The following DNAJC24 variants were observed in gnomAD, a reference collection of about 807,000 sequenced individuals.
DNAJC24 encodes the protein dnaJ homolog subfamily C member 24.
In DNAJC24, 17 loss-of-function variants were observed where a neutral mutation model predicts 18.0. The observed-to-expected ratio is 0.94, with a 90% CI of 0.65 to 1.42. The LOEUF is 1.42. DNAJC24 is among the 40% of genes most tolerant of loss of function. DNAJC24 has a pLI of 0.00. For missense variants in DNAJC24, 158 were observed against 175.6 expected (o/e 0.90, Z 0.57); for synonymous variants, 55 against 57.7 (o/e 0.95, Z 0.21).
In DNAJC24 at chr11:31,431,821, A is replaced by T. The variant is rs1486499654; in HGVS notation, c.*1420A>T. The T allele has an allele frequency of 6.6e-6, 1 of 151,204 alleles. No homozygotes were observed. The highest frequency in any genetic ancestry group is 1.5e-5 in the Non-Finnish European group (1 of 67,758). The allele number at this position is 151,204 out of a possible 1,614,324, so 9.4% of individuals were successfully genotyped here. ...AGAGCAAGACTCTGTCTCAAAAAAA[A>T]TAAAATAAAATAAATAAAAAAAGAT... On this transcript the variant is annotated 3_prime_UTR_variant, in exon 5 of 5. Coordinates refer to ENST00000465995, the MANE Select transcript of DNAJC24 (RefSeq NM_181706.5).
intron 2 of DNAJC24, among the ~76,000 whole-genome samples, chr11:31,414,044 G>C (rs1235237412): frequency 6.6e-6 from 1 of 152,144 alleles, no homozygotes; most frequent in East Asian, 1.9e-4. Context: ...TGAGCTACAT[G>C]TATATCAGCA....
chr11:31,424,938 G>A (rs1278483379), intron 3 of DNAJC24, among the ~76,000 whole-genome samples: 1 of 151,938 alleles, frequency 6.6e-6, no homozygotes, highest in Non-Finnish European at 1.5e-5. Context: ...TTTTATTGGG[G>A]TGGGGAGTGG....
intron 4 of DNAJC24, chr11:31,426,834 C>T (rs1952867295): frequency 7.0e-6 from 1 of 143,426 alleles, no homozygotes; most frequent in African/African-American, 2.6e-5. Context: ...TTTTAACGCT[C>T]ACATACTGAT....
At chr11:31,395,060 T>G (rs7107096) in intron 2 of DNAJC24, among the ~76,000 whole-genome samples, 2,808 of 152,248 alleles carry the variant, frequency 0.018, 86 homozygotes, top group African/African-American at 0.064. Context: ...GGAACTGGTG[T>G]CTATTGTTCC....
chr11:31,408,598 T>C (rs1952677151), intron 2 of DNAJC24, among the ~76,000 whole-genome samples: 1 of 152,226 alleles, frequency 6.6e-6, no homozygotes, highest in Non-Finnish European at 1.5e-5. Flanking sequence ...GAAATAGTCA[T>C]TTAGAAAACA....
Position 31,419,143 on chromosome 11 carries a change from A to C in DNAJC24, c.250+4194A>C, listed in dbSNP as rs528227178. Reference sequence around the variant, plus strand: ...ATTATGTCCTAAAGCTGACCCTTACAAAATACTTGAATTAGTGAGATTAGG... The same window carrying C: ...ATTATGTCCTAAAGCTGACCCTTACCAAATACTTGAATTAGTGAGATTAGG... On this transcript the variant is annotated intron_variant, in intron 3 of 4. Coordinates refer to ENST00000465995, the MANE Select transcript of DNAJC24 (RefSeq NM_181706.5). Among the ~76,000 whole-genome samples, 3 of 152,244 alleles carry C rather than the reference A, an allele frequency of 2.0e-5. No homozygotes were observed. In the South Asian group the frequency reaches 6.2e-4, roughly 32 times the overall value.
At chr11:31,408,267 G>T in intron 2 of DNAJC24, 1 of 451,062 alleles carries the variant, frequency 2.2e-6, no homozygotes, top group Non-Finnish European at 4.5e-6. Flanking sequence ...TTTAGCACGC[G>T]TAACAGTTGC....
chr11:31,376,084 T>TTAAG (rs1293667251), intron 2 of DNAJC24, among the ~76,000 whole-genome samples: 24,272 of 123,420 alleles, frequency 0.2, 4,481 homozygotes, highest in Non-Finnish European at 0.29. Context: ...CATATTGTTC[T>TTAAG]CCTCATGGTA....
chr11:31,395,467 C>G (rs1460632932), intron 2 of DNAJC24, among the ~76,000 whole-genome samples: 3 of 152,142 alleles, frequency 2.0e-5, no homozygotes, highest in African/African-American at 7.2e-5. Flanking sequence ...TGAGGAACCA[C>G]CAAACTGCTT....
chr11:31,419,183 A>G (rs898428332), intron 3 of DNAJC24, among the ~76,000 whole-genome samples: 1 of 152,144 alleles, frequency 6.6e-6, no homozygotes, highest in African/African-American at 2.4e-5. Flanking sequence ...ATTTATGGTC[A>G]TAATATTTCC....
intron 3 of DNAJC24, chr11:31,421,902 G>C (rs1952807419): frequency 2.4e-6 from 1 of 416,732 alleles, no homozygotes; most frequent in Non-Finnish European, 4.8e-6. Context: ...GCTGCTAATA[G>C]TTATTTAATG....
chr11:31,424,248 T>G (rs1367471772), intron 3 of DNAJC24, among the ~76,000 whole-genome samples: 1 of 152,184 alleles, frequency 6.6e-6, no homozygotes, highest in Non-Finnish European at 1.5e-5. Context: ...TTGCTTTGAT[T>G]GATTTCAAAA....
intron 2 of DNAJC24, among the ~76,000 whole-genome samples, chr11:31,410,070 A>T (rs969811904): frequency 0.071 from 5 of 70 alleles, no homozygotes; most frequent in African/African-American, 0.18. Flanking sequence ...TTTTAGTAAA[A>T]CTGGGTTTCA....
intron 2 of DNAJC24, among the ~76,000 whole-genome samples, chr11:31,400,593 T>C (rs1459407803): frequency 6.6e-6 from 1 of 152,164 alleles, no homozygotes; most frequent in African/African-American, 2.4e-5. Flanking sequence ...AACCATCTGA[T>C]CTTTGACAAA....
At chr11:31,428,914 C>G (rs1287418999) in intron 4 of DNAJC24, among the ~76,000 whole-genome samples, 4 of 152,060 alleles carry the variant, frequency 2.6e-5, no homozygotes, top group Non-Finnish European at 5.9e-5. Flanking sequence ...ATGGTGTCCT[C>G]TGTGTCATTT....
chr11:31,386,310 A>G (rs911631762), intron 2 of DNAJC24, among the ~76,000 whole-genome samples: 5 of 151,668 alleles, frequency 3.3e-5, no homozygotes, highest in Non-Finnish European at 7.4e-5. Flanking sequence ...AACCCTAGGC[A>G]ATGCAGCTTA....
intron 2 of DNAJC24, among the ~76,000 whole-genome samples, chr11:31,371,951 G>C (rs1287379249): frequency 6.7e-6 from 1 of 149,480 alleles, no homozygotes; most frequent in Non-Finnish European, 1.5e-5. Flanking sequence ...AGCCTCCCAA[G>C]TAGCTGGGAT....
At chr11:31,411,401 C>T (rs1461470403) in intron 2 of DNAJC24, among the ~76,000 whole-genome samples, 1 of 152,124 alleles carries the variant, frequency 6.6e-6, no homozygotes, top group East Asian at 1.9e-4. Context: ...TAAAAACAAA[C>T]TGTCAGAAAC....
At chr11:31,388,075 G>T (rs1259352581) in intron 2 of DNAJC24, among the ~76,000 whole-genome samples, 2 of 147,872 alleles carry the variant, frequency 1.4e-5, no homozygotes, top group East Asian at 4.0e-4. Context: ...AGGGACAAAA[G>T]AAAAAAAAAT....
Sources: allele counts gnomAD v4.1 joint callset (sites outside exome capture counted in the v4.1 genomes callset), GRCh38; gene constraint gnomAD v4.1.1; transcripts MANE v1.5; gene names NCBI Gene and HGNC (gene_info 2026-07-23, HGNC 2026-07-21).